The following CUL7 variants were observed in gnomAD, a reference collection of about 807,000 sequenced individuals.
The protein encoded by CUL7 is cullin 7.
A neutral mutation model predicts 177.7 loss-of-function variants in CUL7; 96 were observed. The observed-to-expected ratio is 0.54, with a 90% CI of 0.46 to 0.64. The LOEUF (loss-of-function observed/expected upper bound fraction) is 0.64. Ranked by LOEUF, CUL7 falls within the 30% of genes least tolerant of loss-of-function variation. The probability of loss-of-function intolerance (pLI) is 0.00; values close to 1 mark genes in which losing one functional copy is unlikely to be tolerated. For missense variants in CUL7, 1,893 were observed against 2,187.9 expected (o/e 0.87, Z 2.69); for synonymous variants, 824 against 890.2 (o/e 0.93, Z 1.32).
chr6:43,052,501 T>G lies in CUL7; in HGVS notation c.288A>C (p.Ala96=), dbSNP rs1298418831. Residue 96 remains alanine, a synonymous_variant, in exon 2 of 26, where the codon GCA becomes GCC. Coordinates refer to ENST00000265348, the MANE Select transcript of CUL7 (RefSeq NM_014780.5). This position sits in a 1 kb window ranked among gnomAD's most constrained non-coding sequence, Gnocchi z 4.5. The stretch of plus-strand genomic sequence containing the variant: ...ATTTGTCCAGGGCCCCAACCTCCCC[T>G]GCAGACTCCTGGGAGGGCCCGATGA... ...GQVIGPSQES[A]GEVGALDKSV... 6.2e-7 allele frequency: 1 copy of G among 1,614,064 alleles called. No homozygotes were observed. Among genetic ancestry groups the G allele is most frequent in the East Asian group, 2.2e-5 (1 of 44,890 alleles).
chr6:43,052,651 C>T lies in CUL7; in HGVS notation c.138G>A (p.Arg46=). 1 of 1,614,252 alleles carries T rather than the reference C, an allele frequency of 6.2e-7. No homozygotes were observed. The highest frequency in any genetic ancestry group is 1.1e-5 in the South Asian group (1 of 91,090). ...PEYQIRWLIL[R]RGDEGDGGSG... ...AGCCCCCGTCCCCCTCATCGCCACG[C>T]CGCAGGATGAGCCAACGGATCTGGT... Residue 46 remains arginine, a synonymous_variant, in exon 2 of 26, where the codon CGG becomes CGA. Transcript: ENST00000265348. The surrounding 1 kb of genome is among the most constrained non-coding windows in gnomAD (Gnocchi z 4.5).
rs1351495251 is a variant in CUL7 at position 43,037,663 on chromosome 6, C to A, written c.*25G>T. The stretch of plus-strand genomic sequence containing the variant: ...TATTTCTGTAAAAGCTCCAGCTCTA[C>A]CTTCCCCTGACCCCAAGTCTAGGGC... On this transcript the variant is annotated 3_prime_UTR_variant, in exon 26 of 26. Coordinates refer to ENST00000265348, the MANE Select transcript of CUL7 (RefSeq NM_014780.5). 1 of 1,542,466 alleles carries A rather than the reference C, an allele frequency of 6.5e-7. No individual in the cohort carries two copies. Among genetic ancestry groups the A allele is most frequent in the Non-Finnish European group, 8.8e-7 (1 of 1,138,828 alleles).
chr6:43,047,115 G>A lies in CUL7; in HGVS notation c.2170-8C>T. The A allele has an allele frequency of 1.3e-6, 2 of 1,530,246 alleles. No individual in the cohort carries two copies. The allele number at this position is 1,530,246 out of a possible 1,614,324, so 94.8% of individuals were successfully genotyped here. On this transcript the variant is annotated splice_polypyrimidine_tract_variant and splice_region_variant and intron_variant, in intron 9 of 25. Transcript: ENST00000265348. Reference sequence around the variant, plus strand: ...AATCAGTTCCTGGAGCACCTGGGTGGGGACATAAGGGAGGAGATGAATGAA... The same window carrying A: ...AATCAGTTCCTGGAGCACCTGGGTGAGGACATAAGGGAGGAGATGAATGAA...
In CUL7 at chr6:43,053,793, A is replaced by T; in HGVS notation, c.-180T>A. 1 of 1,532,006 alleles carries T rather than the reference A, an allele frequency of 6.5e-7. No homozygotes were observed. The highest frequency in any genetic ancestry group is 1.2e-5 in the South Asian group (1 of 83,892). The allele number at this position is 1,532,006 out of a possible 1,614,324, so 94.9% of individuals were successfully genotyped here. ...CAGAGCTGCACCCGCGTGAGTCGGCAGCCACTGGGGCAGGGTGGGGCCCGG... is the reference window on the plus strand; with the variant it reads ...CAGAGCTGCACCCGCGTGAGTCGGCTGCCACTGGGGCAGGGTGGGGCCCGG... On this transcript the variant is annotated 5_prime_UTR_variant, in exon 1 of 26. Coordinates refer to ENST00000265348, the MANE Select transcript of CUL7 (RefSeq NM_014780.5). This position sits in a 1 kb window ranked among gnomAD's most constrained non-coding sequence, Gnocchi z 4.1.
rs1223342336 is a variant in CUL7 at position 43,038,010 on chromosome 6, A to G, written c.4775T>C (p.Val1592Ala). The change falls in exon 26 of 26, where the codon GTG (valine) becomes GCG (alanine). Residue 1592 changes from valine (V) to alanine (A), a missense_variant and splice_region_variant. This residue lies in a region of CUL7 where 248 missense variants were observed against 262.5 expected (regional missense o/e 0.94). Coordinates refer to ENST00000265348, the MANE Select transcript of CUL7 (RefSeq NM_014780.5). ...GLHIDQLVCL[V>A]LEAWQKGPCP... ...CGGGCCCTTCTGCCAAGCCTCCAGC[A>G]CCTGGTGTGGGGGAGGAAGGGAGAA... is the stretch of plus-strand genomic sequence containing the variant. 6.3e-7 allele frequency: 1 copy of G among 1,591,110 alleles called. No homozygotes were observed. Among genetic ancestry groups the G allele is most frequent in the East Asian group, 2.2e-5 (1 of 44,680 alleles).
rs1330305725 is a variant in CUL7 at position 43,043,625 on chromosome 6, C to T, written c.3178G>A (p.Asp1060Asn). 3.7e-6 allele frequency: 6 copies of T among 1,601,682 alleles called. 1 individual carries two copies. The South Asian group carries it at 6.7e-5, about 18-fold the overall frequency. Residue 1060 changes from aspartate to asparagine, a missense_variant, in exon 17 of 26, where the codon GAT becomes AAT. Physicochemically the swap from Asp to Asn is conservative, Grantham distance 23 (BLOSUM62 1). This residue lies in a region of CUL7 where 973 missense variants were observed against 1,140.9 expected (regional missense o/e 0.85). Coordinates refer to ENST00000265348, the MANE Select transcript of CUL7 (RefSeq NM_014780.5). The surrounding 1 kb of genome is among the most constrained non-coding windows in gnomAD (Gnocchi z 4.2). ...AGCCAACCCAGGGGGCTAATGCCAT[C>T]CTCATCTAGAGGGTGAGATAAACAA... Reference protein sequence around the residue: ...VVQNITSPDEDGISPLGWLLD... With the variant: ...VVQNITSPDENGISPLGWLLD...
At chr6:43,049,366 C>T (rs2150331247) in intron 7 of CUL7, 41 bp downstream of exon 7, 2 of 1,613,734 alleles carry the variant, frequency 1.2e-6, no homozygotes, top group Non-Finnish European at 1.7e-6. Context: ...GTGCTACTGC[C>T]CTGAAGGTGT....
chr6:43,038,357 C>T lies in CUL7; in HGVS notation c.4683G>A (p.Glu1561=), dbSNP rs886061415. ...GGCAGTTCAGAAGATTCCGTCTCTT[C>T]TCCAAGTTCTGGCCGTCTTCACCCT... ...QAEGEDGQNL[E]KRRNLLNCLI... Residue 1561 remains glutamate, a synonymous_variant, in exon 25 of 26, where the codon GAG becomes GAA. Transcript: ENST00000265348. 1.2e-6 allele frequency: 2 copies of T among 1,614,244 alleles called. No homozygotes were observed. The highest frequency in any genetic ancestry group is 1.7e-6 in the Non-Finnish European group (2 of 1,180,050).
In CUL7 at chr6:43,045,918, G is replaced by A; in HGVS notation, c.2766+68C>T. On this transcript the variant is annotated intron_variant, in intron 13 of 25. Coordinates refer to ENST00000265348, the MANE Select transcript of CUL7 (RefSeq NM_014780.5). This position sits in a 1 kb window ranked among gnomAD's most constrained non-coding sequence, Gnocchi z 4.8. The stretch of plus-strand genomic sequence containing the variant: ...GGGAGTTAGAAAAAAGTAGGATAGG[G>A]CCAGATAGAAGCAGGAGGGCAGATC... The A allele has an allele frequency of 7.5e-7, 1 of 1,332,908 alleles. No individual in the cohort carries two copies. Among genetic ancestry groups the A allele is most frequent in the Non-Finnish European group, 1.1e-6 (1 of 931,148 alleles). 82.6% of individuals were successfully genotyped at this position (1,332,908 alleles called of 1,614,324 possible).
chr6:43,041,372 G>A (rs569265792), intron 19 of CUL7, among the ~76,000 whole-genome samples: 59 of 152,332 alleles, frequency 3.9e-4, no homozygotes, highest in African/African-American at 1.3e-3. Context: ...TTGGGAGGCT[G>A]AGACAGGCAG....
rs1203649140 is a variant in CUL7 at position 43,050,579 on chromosome 6, C to T, written c.1234-181G>A. On this transcript the variant is annotated intron_variant, in intron 4 of 25. Transcript: ENST00000265348. The surrounding 1 kb of genome is among the most constrained non-coding windows in gnomAD (Gnocchi z 4.1). ...ACACACACACACACACACACACACA[C>T]ACACACACACACACACACACACACA... Among the ~76,000 whole-genome samples, 4 of 148,804 alleles carry T rather than the reference C, an allele frequency of 2.7e-5. No homozygotes were observed. Among genetic ancestry groups the T allele is most frequent in the African/African-American group, 9.8e-5 (4 of 40,802 alleles).
At chr6:43,048,748 C>A (rs141813689) in intron 7 of CUL7, among the ~76,000 whole-genome samples, 179 bp from the exon 8 acceptor site, 46 of 152,018 alleles carry the variant, frequency 3.0e-4, no homozygotes, top group African/African-American at 1.1e-3. Context: ...AAGACAGCTT[C>A]ATGACAAATT....
At position 43,045,656 on chromosome 6, in the gene CUL7, C is replaced by A. The variant is rs1272133751; in HGVS notation, c.2793G>T (p.Arg931=). The stretch of plus-strand genomic sequence containing the variant: ...GGGTCAGGTTCTCCAGGAGGATCAC[C>A]CGGCTGGCAGAGGGCATCACATTCA... ...NSVNVMPSAS[R]VILLENLTRF... Residue 931 remains arginine (R), a synonymous_variant, in exon 14 of 26, where the codon CGG becomes CGT. Coordinates refer to ENST00000265348, the MANE Select transcript of CUL7 (RefSeq NM_014780.5). The surrounding 1 kb of genome is among the most constrained non-coding windows in gnomAD (Gnocchi z 4.8). The A allele has an allele frequency of 6.2e-7, 1 of 1,614,114 alleles. No homozygotes were observed. Among genetic ancestry groups the A allele is most frequent in the African/African-American group, 1.3e-5 (1 of 74,952 alleles).
rs12209367 is a variant in CUL7 at position 43,043,767 on chromosome 6, G to T, written c.3173-137C>A. On this transcript the variant is annotated intron_variant, in intron 16 of 25. Coordinates refer to ENST00000265348, the MANE Select transcript of CUL7 (RefSeq NM_014780.5). This position sits in a 1 kb window ranked among gnomAD's most constrained non-coding sequence, Gnocchi z 4.2. Reference sequence around the variant, plus strand: ...AGGGGGGCCAGGTAGGGTGGTTTACGCCTGTAATCCCAGCACTTTGGGAGG... The same window carrying T: ...AGGGGGGCCAGGTAGGGTGGTTTACTCCTGTAATCCCAGCACTTTGGGAGG... The T allele has an allele frequency of 1.4e-6, 1 of 708,400 alleles. No individual in the cohort carries two copies. 43.9% of individuals were successfully genotyped at this position (708,400 alleles called of 1,614,324 possible). A position where few individuals can be genotyped will look rare whatever the true frequency, so the allele number is the denominator to read the frequency against.
rs199974831 is a variant in CUL7 at position 43,052,710 on chromosome 6, G to A, written c.79C>T (p.Arg27Cys). ...GLHAYPDELI[R>C]QRVGHDGHPE... ...TGCCCATCATGGCCCACGCGCTGGC[G>A]GATCAGCTCATCAGGATAGGCATGT... Residue 27 changes from arginine (R) to cysteine (C), a missense_variant, in exon 2 of 26, where the codon CGC becomes TGC. Physicochemically the swap from Arg to Cys is radical, Grantham distance 180 (BLOSUM62 -3). Around this residue, in one of 5 missense-constraint regions of CUL7, gnomAD observed 653 missense variants for 725.2 expected, o/e 0.90. Transcript: ENST00000265348. The surrounding 1 kb of genome is among the most constrained non-coding windows in gnomAD (Gnocchi z 4.5). 5.3e-5 allele frequency: 86 copies of A among 1,613,182 alleles called. No homozygotes were observed. The highest frequency in any genetic ancestry group is 3.3e-4 in the Middle Eastern group (2 of 6,084).
intron 16 of CUL7, 41 bp downstream of exon 16, chr6:43,044,711 A>C: frequency 1.9e-6 from 3 of 1,589,592 alleles, no homozygotes; most frequent in Non-Finnish European, 2.6e-6. Context: ...AGTGGAACCA[A>C]GCCCTGAGAT....
chr6:43,050,003 T>A lies in CUL7; in HGVS notation c.1529A>T (p.Gln510Leu). 1 of 1,614,210 alleles carries A rather than the reference T, an allele frequency of 6.2e-7. No homozygotes were observed. Among genetic ancestry groups the A allele is most frequent in the Non-Finnish European group, 8.5e-7 (1 of 1,180,038 alleles). The change falls in exon 6 of 26, where the codon CAG becomes CTG. Residue 510 changes from glutamine to leucine, a missense_variant. By Grantham distance (113) the Gln-to-Leu change is moderately radical. Around this residue, in one of 5 missense-constraint regions of CUL7, gnomAD observed 653 missense variants for 725.2 expected, o/e 0.90. Transcript: ENST00000265348. The surrounding 1 kb of genome is among the most constrained non-coding windows in gnomAD (Gnocchi z 4.1). ...FIKKLDGPDH[Q>L]EVLQILQENL... ...CTCCTGGAGGATCTGGAGAACCTCCTGATGGTCAGGTCCATCCAGCTTCTT... is the reference window on the plus strand; with the variant it reads ...CTCCTGGAGGATCTGGAGAACCTCCAGATGGTCAGGTCCATCCAGCTTCTT...
At chr6:43,041,770 G>C (rs7745432) in intron 19 of CUL7, among the ~76,000 whole-genome samples, 41,180 of 151,720 alleles carry the variant, frequency 0.27, 8,480 homozygotes, top group African/African-American at 0.58. Flanking sequence ...CTTTGGGAGG[G>C]TGAGGCGGGC....
intron 25 of CUL7, 45 bp from the exon 26 acceptor site, chr6:43,038,056 G>C: frequency 6.4e-7 from 1 of 1,559,902 alleles, no homozygotes; most frequent in Non-Finnish European, 8.7e-7. Context: ...AGAGGCAGCT[G>C]ACCCCTCCTT....
Sources: gnomAD v4.1 joint callset for allele counts (sites outside exome capture counted in the v4.1 genomes callset) on GRCh38, gnomAD v4.1.1 for gene constraint, gnomAD v4.1.1 regional missense constraint, Gnocchi (gnomAD v3.1) non-coding constraint, MANE v1.5 for transcripts, NCBI Gene and HGNC (gene_info 2026-07-23, HGNC 2026-07-21) for gene names.